TMEM230: variants seen among roughly 807,000 people sequenced by gnomAD.
TMEM230 encodes transmembrane protein 230, also known as UPF0414 transmembrane protein C20orf30.
In TMEM230, 10 loss-of-function variants were observed where a neutral mutation model predicts 15.8. The observed-to-expected ratio is 0.63, with a 90% CI of 0.39 to 1.07. The LOEUF (loss-of-function observed/expected upper bound fraction) is 1.07. Ranked by LOEUF, TMEM230 falls within the 50% of genes least tolerant of loss-of-function variation. The probability of loss-of-function intolerance (pLI) is 0.01; values close to 1 mark genes in which losing one functional copy is unlikely to be tolerated. For missense variants in TMEM230, 165 were observed against 193.3 expected (o/e 0.85, Z 0.87); for synonymous variants, 67 against 76.9 (o/e 0.87, Z 0.68).
At chr20:5,074,606 C>A (rs2088930513) in intron 3 of TMEM230, among the ~76,000 whole-genome samples, 1 of 143,520 alleles carries the variant, frequency 7.0e-6, no homozygotes, top group South Asian at 2.1e-4. Context: ...GTCAATCTGT[C>A]TTTTGACAGT....
At chr20:5,089,894 C>G (rs993936685) in intron 3 of TMEM230, among the ~76,000 whole-genome samples, 1 of 148,654 alleles carries the variant, frequency 6.7e-6, no homozygotes, top group Non-Finnish European at 1.5e-5. Context: ...TGGCACGTGC[C>G]TGTAATCCCA....
At chr20:5,091,714 C>T (rs1462358131) in intron 3 of TMEM230, among the ~76,000 whole-genome samples, 2 of 119,168 alleles carry the variant, frequency 1.7e-5, no homozygotes, top group African/African-American at 3.1e-5. Context: ...GCATGGTGGA[C>T]GATTCCTTTT....
intron 3 of TMEM230, among the ~76,000 whole-genome samples, chr20:5,086,137 G>A (rs2089330812): frequency 6.6e-6 from 1 of 151,496 alleles, no homozygotes; most frequent in South Asian, 2.1e-4. Context: ...GCTCGTGCCT[G>A]TAATCCCAGC....
intron 3 of TMEM230, among the ~76,000 whole-genome samples, chr20:5,108,040 G>C (rs2090162526): frequency 6.6e-6 from 1 of 151,932 alleles, no homozygotes; most frequent in Non-Finnish European, 1.5e-5. Context: ...CTTGAACCAG[G>C]AGGGGGAGGT....
chr20:5,065,629 G>A (rs2088644639), downstream of TMEM230, among the ~76,000 whole-genome samples: 1 of 152,184 alleles, frequency 6.6e-6, no homozygotes, highest in African/African-American at 2.4e-5. Context: ...ACTACCACCA[G>A]CTTCCCAGGT....
At chr20:5,105,980 C>G (rs544334066) in intron 4 of TMEM230, among the ~76,000 whole-genome samples, 1 of 151,898 alleles carries the variant, frequency 6.6e-6, no homozygotes, top group African/African-American at 2.4e-5. Context: ...GTGAGAGGAT[C>G]GCTTGAGCCC....
chr20:5,098,459 GGTA>G (rs1330274019), downstream of TMEM230: 1 of 152,136 alleles, frequency 6.6e-6, no homozygotes, highest in African/African-American at 2.4e-5. Context: ...GAGCATTCAG[GGTA>G]GTATGGCCGT....
At chr20:5,098,094 T>C (rs1371274366), downstream of TMEM230, among the ~76,000 whole-genome samples, 2 of 150,766 alleles carry the variant, frequency 1.3e-5, no homozygotes, top group Admixed American at 1.3e-4. Flanking sequence ...TCTCCTGCCT[T>C]AGCCTCCCAA....
chr20:5,107,616 C>T (rs2090146642), intron 3 of TMEM230, among the ~76,000 whole-genome samples: 1 of 152,046 alleles, frequency 6.6e-6, no homozygotes, highest in East Asian at 1.9e-4. Context: ...GATGGCTGTA[C>T]TAACTTATGG....
In TMEM230 at chr20:5,100,768, C is replaced by A. The variant is rs1261535553; in HGVS notation, c.*23G>T. The stretch of plus-strand genomic sequence containing the variant: ...AAGCTGGGACAGTTCCACTGTGACT[C>A]CTCCTCAGCTATGGGGTGGGTGCTA... On this transcript the variant is annotated 3_prime_UTR_variant, in exon 5 of 5. Transcript: ENST00000342308. The A allele has an allele frequency of 1.2e-6, 2 of 1,611,066 alleles. No individual in the cohort carries two copies. The highest frequency in any genetic ancestry group is 8.5e-7 in the Non-Finnish European group (1 of 1,178,938).
chr20:5,105,301 T>C (rs1366521551), intron 4 of TMEM230, among the ~76,000 whole-genome samples: 1 of 149,818 alleles, frequency 6.7e-6, no homozygotes, highest in Non-Finnish European at 1.5e-5. Flanking sequence ...TATATATATA[T>C]GTATGTATGT....
intron 3 of TMEM230, among the ~76,000 whole-genome samples, chr20:5,076,314 C>T (rs1042147273): frequency 6.6e-6 from 1 of 152,078 alleles, no homozygotes; most frequent in East Asian, 1.9e-4. Context: ...CCAAGGCAGG[C>T]GGATCATCTG....
intron 3 of TMEM230, among the ~76,000 whole-genome samples, chr20:5,072,668 G>T (rs995639905): frequency 6.6e-6 from 1 of 151,772 alleles, no homozygotes; most frequent in African/African-American, 2.4e-5. Flanking sequence ...GACCAATATG[G>T]TGAAACCCTG....
exon 4 of TMEM230, chr20:5,068,730 G>C (rs988237808): frequency 8.5e-5 from 13 of 153,454 alleles, no homozygotes; most frequent in African/African-American, 3.1e-4. Context: ...TTATCCAGCG[G>C]TTTTATTACT....
At chr20:5,094,908 C>A (rs1444709633), downstream of TMEM230, among the ~76,000 whole-genome samples, 1 of 151,936 alleles carries the variant, frequency 6.6e-6, no homozygotes, top group Non-Finnish European at 1.5e-5. Context: ...TGCCCAGGTT[C>A]CTCATGGTCA....
chr20:5,100,965 G>GT, intron 4 of TMEM230, 34 bp from the exon 4 acceptor site: 2 of 1,610,262 alleles, frequency 1.2e-6, no homozygotes, highest in South Asian at 1.1e-5. Flanking sequence ...CATTAGTACC[G>GT]TAAGAGTTAC....
chr20:5,059,176 T>A, the TMEM230 span, among the ~76,000 whole-genome samples: 1 of 152,136 alleles, frequency 6.6e-6, no homozygotes, highest in African/African-American at 2.4e-5. Flanking sequence ...CTATTTATTT[T>A]TTTTTGAGAC....
chr20:5,091,163 T>C, intron 3 of TMEM230, among the ~76,000 whole-genome samples: 1 of 152,216 alleles, frequency 6.6e-6, no homozygotes. Context: ...AGAGCCCAGC[T>C]AATTTTTTTA....
Position 5,082,922 on chromosome 20 carries a change from G to GTT in TMEM230, c.223-13575_223-13574dup, listed in dbSNP as rs140284230. Among the ~76,000 whole-genome samples the GTT allele has an allele frequency of 7.1e-5, 9 of 127,252 alleles. 1 individual carries two copies. Among genetic ancestry groups the GTT allele is most frequent in the Non-Finnish European group, 8.2e-5 (5 of 60,794 alleles). The allele number at this position is 127,252 out of a possible 152,430, so 83.5% of individuals were successfully genotyped here. On this transcript the variant is annotated intron_variant, in intron 3 of 3. Coordinates refer to the TMEM230 transcript ENST00000612323. ...GCATTTGTGATTAATTCTTCATATT[G>GTT]TTTTTTTTTTTTTTTTCTTTTTCAG...
Sources: gnomAD v4.1 joint callset for allele counts (sites outside exome capture counted in the v4.1 genomes callset) on GRCh38, gnomAD v4.1.1 for gene constraint, MANE v1.5 for transcripts, NCBI Gene and HGNC (gene_info 2026-07-23, HGNC 2026-07-21) for gene names.